THEM4: variants seen among roughly 807,000 people sequenced by gnomAD.
The protein encoded by THEM4 is thioesterase superfamily member 4, also known as acyl-coenzyme A thioesterase THEM4.
A neutral mutation model predicts 25.0 loss-of-function variants in THEM4; 22 were observed. The ratio of observed to expected loss-of-function variants is 0.88; its 90% CI spans 0.63 to 1.26. THEM4 has a LOEUF of 1.26. Among genes scored for constraint, THEM4 ranks in the 50% most tolerant of loss-of-function variants. The pLI, the probability that THEM4 is intolerant of heterozygous loss-of-function variation, is 0.00. For synonymous variants in THEM4, 113 were observed against 105.6 expected (o/e 1.07, Z -0.43); for missense variants, 286 against 300.3 (o/e 0.95, Z 0.35).
chr1:151,899,838 C>T (rs1654313392), intron 1 of THEM4, among the ~76,000 whole-genome samples: 1 of 152,128 alleles, frequency 6.6e-6, no homozygotes, highest in East Asian at 1.9e-4. Context: ...AAGATCTGCA[C>T]CCAGACACAT....
intron 1 of THEM4, among the ~76,000 whole-genome samples, chr1:151,902,229 T>G (rs1654368197): frequency 1.3e-5 from 2 of 152,180 alleles, no homozygotes; most frequent in Admixed American, 1.3e-4. Context: ...GGAAAAGAAG[T>G]CATTATTCGA....
chr1:151,876,048 A>G (rs1385942898), intron 5 of THEM4, among the ~76,000 whole-genome samples: 1 of 152,216 alleles, frequency 6.6e-6, no homozygotes, highest in African/African-American at 2.4e-5. Flanking sequence ...CATATGGAGT[A>G]TTACACAGTG....
chr1:151,895,126 G>A lies in THEM4; in HGVS notation c.168C>T (p.Asp56=). The change falls in exon 2 of 6, where the codon GAC becomes GAT. Residue 56 remains aspartate (D), a synonymous_variant. Coordinates refer to ENST00000368814, the MANE Select transcript of THEM4 (RefSeq NM_053055.5). ...TAAACTGGTCAAAGAGCAGTCTTAG[G>A]TCCTTGTTCCAGCTGGGGTTGGGGA... ...CSVPNPSWNK[D]LRLLFDQFMK... 1 of 1,614,094 alleles carries A rather than the reference G, an allele frequency of 6.2e-7. No homozygotes were observed. The highest frequency in any genetic ancestry group is 8.5e-7 in the Non-Finnish European group (1 of 1,180,018).
intron 5 of THEM4, 37 bp from the exon 6 acceptor site, chr1:151,874,965 A>T: frequency 6.6e-7 from 1 of 1,521,082 alleles, no homozygotes; most frequent in Non-Finnish European, 9.1e-7. Flanking sequence ...ATTATATGTC[A>T]ACTGACTTCA....
At chr1:151,881,985 T>G (rs58275074) in intron 4 of THEM4, among the ~76,000 whole-genome samples, 4,227 of 152,310 alleles carry the variant, frequency 0.028, 204 homozygotes, top group African/African-American at 0.096. Flanking sequence ...GCTTATGCTC[T>G]CTATATTTCC....
Position 151,871,174 on chromosome 1 carries a change from A to C in THEM4, c.*3714T>G, listed in dbSNP as rs1653546164. 1.3e-5 allele frequency among the ~76,000 whole-genome samples: 2 copies of C among 152,078 alleles called. No homozygotes were observed. Among genetic ancestry groups the C allele is most frequent in the South Asian group, 4.1e-4 (2 of 4,826 alleles). On this transcript the variant is annotated 3_prime_UTR_variant, in exon 6 of 6. Transcript: ENST00000368814. ...ACCCTGTCTCTACAAACAATACAAA[A>C]ATTAGCTGGGTTTGGTGGTGTATGC...
intron 1 of THEM4, among the ~76,000 whole-genome samples, chr1:151,906,996 T>G (rs936824912): frequency 2.0e-5 from 3 of 152,132 alleles, no homozygotes; most frequent in African/African-American, 7.2e-5. Context: ...CCTTCCACAC[T>G]GTGGAAGCTT....
intron 2 of THEM4, among the ~76,000 whole-genome samples, chr1:151,894,332 C>T (rs1449546648): frequency 1.3e-5 from 2 of 152,052 alleles, no homozygotes; most frequent in East Asian, 3.8e-4. Flanking sequence ...AAACATAATA[C>T]GAAGAGTGAA....
intron 4 of THEM4, among the ~76,000 whole-genome samples, chr1:151,879,700 A>G (rs1249644740): frequency 7.0e-6 from 1 of 142,544 alleles, no homozygotes; most frequent in African/African-American, 2.6e-5. Flanking sequence ...TCTGTCACCC[A>G]GGTTGGAGTG....
At chr1:151,894,693 T>C (rs1654179470) in intron 2 of THEM4, 2 of 517,946 alleles carry the variant, frequency 3.9e-6, no homozygotes, top group Non-Finnish European at 6.7e-6. Flanking sequence ...AAGGGTGAAA[T>C]GAGATTAGAT....
Position 151,871,032 on chromosome 1 carries a change from A to C in THEM4, c.*3856T>G, listed in dbSNP as rs984868033. Among the ~76,000 whole-genome samples, 2 of 152,222 alleles carry C rather than the reference A, an allele frequency of 1.3e-5. No individual in the cohort carries two copies. Among genetic ancestry groups the C allele is most frequent in the Non-Finnish European group, 2.9e-5 (2 of 68,040 alleles). On this transcript the variant is annotated 3_prime_UTR_variant, in exon 6 of 6. Transcript: ENST00000368814. ...TTCAAAATGTTAGCACTTGGTATAA[A>C]GAAGGAAACAGGTTGAGCAAGGTGG...
At chr1:151,884,096 A>AATAAATAC (rs1653906548) in intron 4 of THEM4, among the ~76,000 whole-genome samples, 1 of 150,668 alleles carries the variant, frequency 6.6e-6, no homozygotes, top group East Asian at 1.9e-4. Context: ...TAAATAAATA[A>AATAAATAC]ATAAATAAAT....
chr1:151,888,447 AAG>A, intron 3 of THEM4, 64 bp from the exon 4 acceptor site: 1 of 1,256,746 alleles, frequency 8.0e-7, no homozygotes, highest in Non-Finnish European at 1.1e-6. Flanking sequence ...AGCCTCTTGA[AAG>A]AGAAAAATTA....
At chr1:151,886,393 T>C (rs917917511) in intron 4 of THEM4, among the ~76,000 whole-genome samples, 6 of 152,220 alleles carry the variant, frequency 3.9e-5, no homozygotes, top group African/African-American at 1.4e-4. Flanking sequence ...TCTAAATACT[T>C]TGTTTCAGCT....
At chr1:151,903,368 TACC>T (rs1654393671) in intron 1 of THEM4, among the ~76,000 whole-genome samples, 1 of 152,232 alleles carries the variant, frequency 6.6e-6, no homozygotes, top group Non-Finnish European at 1.5e-5. Context: ...TTTCTACATT[TACC>T]ACTTGAAATT....
chr1:151,906,427 G>GT (rs1654467907), intron 1 of THEM4, among the ~76,000 whole-genome samples: 1 of 152,214 alleles, frequency 6.6e-6, no homozygotes, highest in Non-Finnish European at 1.5e-5. Context: ...CACGCCCTCC[G>GT]TGGGCTCCTG....
intron 2 of THEM4, chr1:151,890,206 T>C (rs1654066386): frequency 2.2e-6 from 1 of 457,472 alleles, no homozygotes; most frequent in Admixed American, 2.4e-5. Flanking sequence ...CGCCCGGCCA[T>C]TAACCAGGCT....
intron 1 of THEM4, among the ~76,000 whole-genome samples, chr1:151,902,170 C>T (rs375018008): frequency 5.3e-5 from 8 of 152,234 alleles, no homozygotes; most frequent in African/African-American, 1.9e-4. Flanking sequence ...AACATTTCTA[C>T]ACTGCTGGTG....
At chr1:151,892,184 C>T (rs1203117751) in intron 2 of THEM4, among the ~76,000 whole-genome samples, 7 of 151,830 alleles carry the variant, frequency 4.6e-5, no homozygotes, top group Non-Finnish European at 8.8e-5. Context: ...TAGTCAAGAG[C>T]GAATGAGGGT....
Sources: gnomAD v4.1 joint callset for allele counts (sites outside exome capture counted in the v4.1 genomes callset) on GRCh38, gnomAD v4.1.1 for gene constraint, MANE v1.5 for transcripts, NCBI Gene and HGNC (gene_info 2026-07-23, HGNC 2026-07-21) for gene names.